CNTN1: variants seen among roughly 807,000 people sequenced by gnomAD.
The protein encoded by CNTN1 is contactin-1.
Under a neutral mutation model 126.4 loss-of-function variants are expected in CNTN1, and 38 were observed. That is an observed-to-expected ratio of 0.30 (90% CI 0.23 to 0.39). CNTN1 has a LOEUF of 0.39. Among genes scored for constraint, CNTN1 ranks in the 10% least tolerant of loss-of-function variants. CNTN1 has a pLI of 1.00. For synonymous variants in CNTN1, 413 were observed against 422.6 expected, an observed-to-expected ratio of 0.98 and a Z score of 0.28; for missense variants, 1,009 against 1,248.4, an observed-to-expected ratio of 0.81 and a Z score of 2.89.
At chr12:40,909,962 G>A in intron 2 of CNTN1, 111 bp from the exon 3 acceptor site, 3 of 780,042 alleles carry the variant, frequency 3.8e-6, no homozygotes, top group Non-Finnish European at 6.8e-6. Flanking sequence ...TTATAGTAAA[G>A]GGCCACTACT....
At chr12:40,905,970 T>C (rs931195345) in intron 1 of CNTN1, among the ~76,000 whole-genome samples, 3 of 152,194 alleles carry the variant, frequency 2.0e-5, no homozygotes, top group Non-Finnish European at 4.4e-5. Flanking sequence ...GTAATTGATT[T>C]TCCTGTCCTC....
At chr12:40,786,908 T>G (rs758265154) in intron 1 of CNTN1, among the ~76,000 whole-genome samples, 20 of 152,300 alleles carry the variant, frequency 1.3e-4, no homozygotes, top group South Asian at 1.0e-3. Context: ...CATTATTGTA[T>G]TTATTCCCTT....
intron 1 of CNTN1, among the ~76,000 whole-genome samples, chr12:40,835,465 T>G (rs1942013231): frequency 1.3e-5 from 2 of 152,198 alleles, no homozygotes; most frequent in South Asian, 4.1e-4. Flanking sequence ...ATTCACATTC[T>G]TTTTATTCTT....
chr12:40,778,025 A>ACT (rs1939655115), intron 1 of CNTN1, among the ~76,000 whole-genome samples: 1 of 151,886 alleles, frequency 6.6e-6, no homozygotes, highest in Non-Finnish European at 1.5e-5. Flanking sequence ...TGTTGGTTTT[A>ACT]ACATTTCACT....
At chr12:40,859,930 T>TA (rs1349010892) in intron 1 of CNTN1, among the ~76,000 whole-genome samples, 4 of 152,126 alleles carry the variant, frequency 2.6e-5, no homozygotes, top group Non-Finnish European at 5.9e-5. Context: ...CTGATGTCAG[T>TA]AAAAAATCTA....
intron 23 of CNTN1, among the ~76,000 whole-genome samples, chr12:41,067,269 CAAATTATG>C (rs1950065375): frequency 1.3e-5 from 2 of 152,114 alleles, no homozygotes; most frequent in Non-Finnish European, 2.9e-5. Context: ...GTCAAAGCCA[CAAATTATG>C]AAATTGTATT....
chr12:40,918,658 A>G lies in CNTN1; in HGVS notation c.114A>G (p.Gly38=). The change falls in exon 4 of 24, where the codon GGA becomes GGG. Residue 38 remains glycine, a synonymous_variant. Transcript: ENST00000551295. ...TTGTAGTTTCTGAGGAAGACAAAGG[A>G]TTTGGACCAATTTTTGAAGAGCAGC... ...YGHGVSEEDK[G]FGPIFEEQPI... The G allele has an allele frequency of 5.0e-6, 8 of 1,613,328 alleles. No individual in the cohort carries two copies. The highest frequency in any genetic ancestry group is 6.8e-6 in the Non-Finnish European group (8 of 1,179,384).
chr12:40,853,679 A>G (rs750116220), intron 1 of CNTN1, among the ~76,000 whole-genome samples: 2 of 151,816 alleles, frequency 1.3e-5, no homozygotes, highest in African/African-American at 4.8e-5. Context: ...TTTTCCCCCT[A>G]TAGACTGTAG....
intron 1 of CNTN1, among the ~76,000 whole-genome samples, chr12:40,786,008 C>G (rs916301048): frequency 1.3e-5 from 2 of 152,270 alleles, no homozygotes; most frequent in Admixed American, 1.3e-4. Flanking sequence ...ACATCACTGC[C>G]ATAACAAATT....
At chr12:40,707,046 G>GCACA (rs59993134) in intron 1 of CNTN1, among the ~76,000 whole-genome samples, 19 of 149,422 alleles carry the variant, frequency 1.3e-4, no homozygotes, top group African/African-American at 4.5e-4. Context: ...GCGCGCTTGC[G>GCACA]CACACACACA....
chr12:40,708,762 G>T (rs1941834621), intron 1 of CNTN1, among the ~76,000 whole-genome samples: 1 of 152,206 alleles, frequency 6.6e-6, no homozygotes, highest in African/African-American at 2.4e-5. Flanking sequence ...AAGAGGAGGA[G>T]ATTCTATCTC....
At chr12:40,857,619 C>T (rs1259757763) in intron 1 of CNTN1, among the ~76,000 whole-genome samples, 1 of 152,100 alleles carries the variant, frequency 6.6e-6, no homozygotes, top group Non-Finnish European at 1.5e-5. Context: ...TGGAAAAAGT[C>T]AAGTCAGAAC....
intron 1 of CNTN1, among the ~76,000 whole-genome samples, chr12:40,826,876 T>TGC (rs1941629895): frequency 6.6e-6 from 1 of 152,156 alleles, no homozygotes; most frequent in South Asian, 2.1e-4. Context: ...TGTGTGTGTG[T>TGC]GCATGTATGT....
At chr12:40,709,877 A>G (rs868864675) in intron 1 of CNTN1, among the ~76,000 whole-genome samples, 4 of 152,288 alleles carry the variant, frequency 2.6e-5, no homozygotes, top group Middle Eastern at 3.4e-3. Flanking sequence ...AGGCTACTCA[A>G]ACTTTCTCCA....
chr12:40,848,032 CT>C (rs1271285467), intron 1 of CNTN1, among the ~76,000 whole-genome samples: 1 of 152,206 alleles, frequency 6.6e-6, no homozygotes, highest in Non-Finnish European at 1.5e-5. Context: ...CAATGCTTGC[CT>C]GCACTCTGCT....
intron 23 of CNTN1, among the ~76,000 whole-genome samples, chr12:41,039,226 G>C (rs574546149): frequency 2.6e-5 from 4 of 152,274 alleles, no homozygotes; most frequent in South Asian, 2.1e-4. Flanking sequence ...GAAATCTCAT[G>C]AATGGTGGTG....
At chr12:40,993,074 TAA>T (rs761102039) in intron 16 of CNTN1, 44 bp from the exon 17 acceptor site, 4 of 1,538,282 alleles carry the variant, frequency 2.6e-6, no homozygotes, top group East Asian at 2.2e-5. Context: ...ATAAAAGTGA[TAA>T]GTTAATCAAC....
intron 1 of CNTN1, among the ~76,000 whole-genome samples, chr12:40,768,980 A>G (rs1407388992): frequency 6.6e-6 from 1 of 152,142 alleles, no homozygotes; most frequent in African/African-American, 2.4e-5. Context: ...TGTTCTTTCA[A>G]ACTCTGGTGG....
intron 1 of CNTN1, among the ~76,000 whole-genome samples, chr12:40,745,630 T>C (rs1281391073): frequency 6.6e-6 from 1 of 152,128 alleles, no homozygotes; most frequent in African/African-American, 2.4e-5. Context: ...ATGTTTCTTA[T>C]CAGACTTAAA....
Sources: gnomAD v4.1 joint callset for allele counts (sites outside exome capture counted in the v4.1 genomes callset) on GRCh38, gnomAD v4.1.1 for gene constraint, MANE v1.5 for transcripts, NCBI Gene and HGNC (gene_info 2026-07-23, HGNC 2026-07-21) for gene names.